Variants in MAGI2 observed in about 807,000 individuals in gnomAD.
The protein encoded by MAGI2 is membrane associated guanylate kinase, WW and PDZ domain containing 2.
A neutral mutation model predicts 133.3 loss-of-function variants in MAGI2; 35 were observed. That is an observed-to-expected ratio of 0.26 (90% CI 0.20 to 0.35). MAGI2 has a LOEUF of 0.35. Among genes scored for constraint, MAGI2 ranks in the 10% least tolerant of loss-of-function variants. The pLI is 1.00. For synonymous variants in MAGI2, 729 were observed against 710.6 expected, an observed-to-expected ratio of 1.03 and a Z score of -0.41; for missense variants, 1,636 against 1,863.4, an observed-to-expected ratio of 0.88 and a Z score of 2.25.
chr7:79,058,997 G>A (rs1400639067), intron 1 of MAGI2, among the ~76,000 whole-genome samples: 1 of 152,064 alleles, frequency 6.6e-6, no homozygotes, highest in Non-Finnish European at 1.5e-5. Context: ...AGTATAGTAA[G>A]TAGTCAATAA....
At chr7:78,979,470 C>G (rs1208174797) in intron 2 of MAGI2, among the ~76,000 whole-genome samples, 1 of 151,872 alleles carries the variant, frequency 6.6e-6, no homozygotes, top group Non-Finnish European at 1.5e-5. Flanking sequence ...AAATAACTCT[C>G]CTCATCAAAC....
chr7:79,391,747 C>T (rs1844670814), intron 1 of MAGI2, among the ~76,000 whole-genome samples: 1 of 151,626 alleles, frequency 6.6e-6, no homozygotes, highest in Admixed American at 6.6e-5. Flanking sequence ...TGGAGTGGCG[C>T]GATCTCGGCT....
At chr7:79,117,279 C>A (rs990915499) in intron 1 of MAGI2, among the ~76,000 whole-genome samples, 1 of 152,068 alleles carries the variant, frequency 6.6e-6, no homozygotes, top group African/African-American at 2.4e-5. Flanking sequence ...AATATTTTAA[C>A]ATGAAGCTAA....
Position 78,319,797 on chromosome 7 carries a change from T to C in MAGI2, c.1408+23981A>G, listed in dbSNP as rs991041483. 6.6e-5 allele frequency among the ~76,000 whole-genome samples: 10 copies of C among 151,674 alleles called. No homozygotes were observed. The South Asian group carries it at 8.3e-4, about 13-fold the overall frequency. ...AAGATCAGAGCAGAACTGAAGGAGATAGAAACACAAAAAACCCTTCAAAAA... is the reference window on the plus strand; with the variant it reads ...AAGATCAGAGCAGAACTGAAGGAGACAGAAACACAAAAAACCCTTCAAAAA... On this transcript the variant is annotated intron_variant, in intron 9 of 21. Transcript: ENST00000354212.
chr7:78,878,583 G>A (rs539688726), intron 2 of MAGI2, among the ~76,000 whole-genome samples: 32 of 152,202 alleles, frequency 2.1e-4, no homozygotes, highest in Non-Finnish European at 3.5e-4. Context: ...CCAATATTTC[G>A]TGCCTTGTCA....
At chr7:78,416,537 A>G (rs1798319387) in intron 6 of MAGI2, among the ~76,000 whole-genome samples, 1 of 152,170 alleles carries the variant, frequency 6.6e-6, no homozygotes, top group Non-Finnish European at 1.5e-5. Context: ...TAGTAATTAT[A>G]GTTCATGATG....
At chr7:79,273,282 T>C (rs1027442957) in intron 1 of MAGI2, among the ~76,000 whole-genome samples, 1 of 152,076 alleles carries the variant, frequency 6.6e-6, no homozygotes, top group Non-Finnish European at 1.5e-5. Context: ...TCAAAGACAC[T>C]TAGCCAATTA....
intron 1 of MAGI2, among the ~76,000 whole-genome samples, chr7:79,016,601 A>G (rs1375833154): frequency 1.3e-5 from 2 of 152,088 alleles, no homozygotes. Flanking sequence ...TGCTTTGCTG[A>G]GGCAGGTAAG....
At chr7:78,488,733 T>G (rs1049767903) in intron 6 of MAGI2, among the ~76,000 whole-genome samples, 1 of 152,074 alleles carries the variant, frequency 6.6e-6, no homozygotes, top group African/African-American at 2.4e-5. Flanking sequence ...TCATATAAAT[T>G]ACAATCTCTA....
At chr7:78,483,667 G>T (rs1792663095) in intron 6 of MAGI2, among the ~76,000 whole-genome samples, 1 of 151,606 alleles carries the variant, frequency 6.6e-6, no homozygotes, top group South Asian at 2.1e-4. Context: ...CTAAAATGTT[G>T]GTATTTCTGA....
At chr7:79,259,288 C>G (rs1241111970) in intron 1 of MAGI2, among the ~76,000 whole-genome samples, 1 of 152,176 alleles carries the variant, frequency 6.6e-6, no homozygotes, top group Non-Finnish European at 1.5e-5. Context: ...CAGTTCTTAA[C>G]ATATATTTTT....
chr7:78,779,487 C>T (rs538199205), intron 2 of MAGI2, among the ~76,000 whole-genome samples: 113 of 152,254 alleles, frequency 7.4e-4, no homozygotes, highest in African/African-American at 8.2e-4. Context: ...ATAGAAAAGA[C>T]GGAAGAAAGA....
intron 6 of MAGI2, among the ~76,000 whole-genome samples, chr7:78,417,264 C>T (rs1292339824): frequency 6.6e-6 from 1 of 151,256 alleles, no homozygotes; most frequent in African/African-American, 2.4e-5. Flanking sequence ...TGAAGTGACC[C>T]ATTCTTGCTA....
Position 78,494,066 on chromosome 7 carries a change from C to T in MAGI2, c.966-4226G>A, listed in dbSNP as rs142927898. 3.7e-4 allele frequency among the ~76,000 whole-genome samples: 57 copies of T among 152,056 alleles called. No homozygotes were observed. In the East Asian group the frequency reaches 1.0e-2, roughly 27 times the overall value. Reference sequence around the variant, plus strand: ...ATCTTGGCTCACTGCCACCTCCACCCCCTGGGATCAAGTGATTCTCCCGCC... The same window carrying T: ...ATCTTGGCTCACTGCCACCTCCACCTCCTGGGATCAAGTGATTCTCCCGCC... On this transcript the variant is annotated intron_variant, in intron 5 of 21. Transcript: ENST00000354212.
intron 6 of MAGI2, among the ~76,000 whole-genome samples, chr7:78,463,855 A>G (rs145080215): frequency 0.015 from 2,306 of 152,306 alleles, 34 homozygotes; most frequent in Non-Finnish European, 0.022. Context: ...AAAAAGAGTT[A>G]AATAAATGTT....
intron 21 of MAGI2, among the ~76,000 whole-genome samples, chr7:78,073,268 G>T (rs1220620862): frequency 6.6e-6 from 1 of 152,078 alleles, no homozygotes; most frequent in South Asian, 2.1e-4. Flanking sequence ...GATTAACTTT[G>T]AAAATGAAAG....
At chr7:78,923,898 G>A (rs1320081585) in intron 2 of MAGI2, among the ~76,000 whole-genome samples, 1 of 152,128 alleles carries the variant, frequency 6.6e-6, no homozygotes, top group Non-Finnish European at 1.5e-5. Context: ...TCTCCTTGAA[G>A]AGGTCTTTCA....
At chr7:79,362,452 C>G (rs565896015) in intron 1 of MAGI2, among the ~76,000 whole-genome samples, 2 of 152,066 alleles carry the variant, frequency 1.3e-5, no homozygotes, top group Admixed American at 1.3e-4. Flanking sequence ...GAATTAACAC[C>G]AATTTTAACG....
intron 3 of MAGI2, among the ~76,000 whole-genome samples, chr7:78,594,456 A>G (rs1804376729): frequency 6.6e-6 from 1 of 151,418 alleles, no homozygotes; most frequent in Non-Finnish European, 1.5e-5. Context: ...AAGGAATTCT[A>G]TTTTTTTTGT....
Sources: allele counts gnomAD v4.1 joint callset (sites outside exome capture counted in the v4.1 genomes callset), GRCh38; gene constraint gnomAD v4.1.1; transcripts MANE v1.5; gene names NCBI Gene and HGNC (gene_info 2026-07-23, HGNC 2026-07-21).